The following POLH variants were observed in gnomAD, a reference collection of about 807,000 sequenced individuals.
POLH encodes DNA polymerase eta transcript.
A neutral mutation model predicts 73.6 loss-of-function variants in POLH; 53 were observed. The observed-to-expected ratio is 0.72, with a 90% CI of 0.58 to 0.91. The LOEUF (loss-of-function observed/expected upper bound fraction) is 0.91. Ranked by LOEUF, POLH falls within the 40% of genes least tolerant of loss-of-function variation. The probability of loss-of-function intolerance (pLI) is 0.00; values close to 1 mark genes in which losing one functional copy is unlikely to be tolerated. For missense variants in POLH, 768 were observed against 865.4 expected (o/e 0.89, Z 1.41); for synonymous variants, 292 against 308.5 (o/e 0.95, Z 0.56).
chr6:43,582,928 A>G, intron 2 of POLH, 79 bp from the exon 3 acceptor site: 1 of 1,220,650 alleles, frequency 8.2e-7, no homozygotes, highest in South Asian at 1.2e-5. Flanking sequence ...ATGTTTATAG[A>G]TTACTTGTGT....
Position 43,597,856 on chromosome 6 carries a change from A to T in POLH, c.651A>T (p.Ser217=). 6.2e-7 allele frequency: 1 copy of T among 1,612,536 alleles called. No individual in the cohort carries two copies. The highest frequency in any genetic ancestry group is 8.5e-7 in the Non-Finnish European group (1 of 1,178,542). Reference sequence around the variant, plus strand: ...GTTTTCAGTGTTCAGCTGGAATTTCACACAATAAGGTGAAGGCTAATAGTA... The same window carrying T: ...GTTTTCAGTGTTCAGCTGGAATTTCTCACAATAAGGTGAAGGCTAATAGTA... ...ETGFQCSAGI[S]HNKVLAKLAC... is the part of the protein sequence containing the mutation. The change falls in exon 5 of 11, where the codon TCA becomes TCT. Residue 217 remains serine, a synonymous_variant. Coordinates refer to ENST00000372236, the MANE Select transcript of POLH (RefSeq NM_006502.3).
chr6:43,600,882 G>C, intron 5 of POLH, 106 bp from the exon 6 acceptor site: 1 of 796,612 alleles, frequency 1.3e-6, no homozygotes, highest in South Asian at 1.4e-5. Context: ...GAAACCATTA[G>C]TTACAGCTAT....
At position 43,616,706 on chromosome 6, in the gene POLH, TAA is replaced by T. The variant is rs1356155932; in HGVS notation, c.*2152_*2153del. On this transcript the variant is annotated 3_prime_UTR_variant, in exon 11 of 11. Coordinates refer to ENST00000372236, the MANE Select transcript of POLH (RefSeq NM_006502.3). ...AATGTGAGATGAAGCCTTGAAACCC[TAA>T]AAGTGATATGGTAACTAGGGCAGGT... Among the ~76,000 whole-genome samples, 4 of 152,200 alleles carry T rather than the reference TAA, an allele frequency of 2.6e-5. No individual in the cohort carries two copies. Among genetic ancestry groups the T allele is most frequent in the African/African-American group, 9.6e-5 (4 of 41,470 alleles).
chr6:43,598,003 A>G (rs755012512), intron 5 of POLH, 138 bp downstream of exon 5: 5 of 751,930 alleles, frequency 6.6e-6, no homozygotes, highest in Non-Finnish European at 1.1e-5. Context: ...GCGTGAGCCC[A>G]GGAGTTGAAG....
At chr6:43,594,283 A>T (rs988145279) in intron 4 of POLH, among the ~76,000 whole-genome samples, 6 of 152,204 alleles carry the variant, frequency 3.9e-5, no homozygotes. Context: ...GCTAATATAT[A>T]CTAGTATAAA....
At chr6:43,587,517 G>A (rs753384563) in intron 4 of POLH, 28 bp downstream of exon 4, 3 of 1,504,070 alleles carry the variant, frequency 2.0e-6, no homozygotes, top group Non-Finnish European at 2.8e-6. Flanking sequence ...TACTGCTTCT[G>A]CTTCCTGCCT....
At chr6:43,580,993 A>ACCCC (rs1200040379) in intron 1 of POLH, among the ~76,000 whole-genome samples, 2 of 82,020 alleles carry the variant, frequency 2.4e-5, no homozygotes, top group African/African-American at 9.6e-5. Context: ...CGGGGGGCTG[A>ACCCC]CCCCCCCCCA....
intron 1 of POLH, among the ~76,000 whole-genome samples, chr6:43,580,503 T>C (rs1482638647): frequency 8.9e-3 from 1,227 of 137,318 alleles, no homozygotes; most frequent in East Asian, 0.019. Context: ...GAGGCGCCCC[T>C]CACCTCCCGG....
At position 43,598,201 on chromosome 6, in the gene POLH, C is replaced by CAAAAAAAAAAAAAA. The variant is rs560020212; in HGVS notation, c.660+340_660+353dup. On this transcript the variant is annotated intron_variant, in intron 5 of 10. Transcript: ENST00000372236. The stretch of plus-strand genomic sequence containing the variant: ...GCTTGGGCGACAGTGAGACTGTCAC[C>CAAAAAAAAAAAAAA]AAAAAAAAAAAAAAAAAGTTGTTAC... Among the ~76,000 whole-genome samples the CAAAAAAAAAAAAAA allele has an allele frequency of 1.3e-3, 96 of 73,260 alleles. 1 individual carries two copies. Among genetic ancestry groups the CAAAAAAAAAAAAAA allele is most frequent in the African/African-American group, 4.5e-3 (89 of 19,744 alleles). The allele number at this position is 73,260 out of a possible 152,430, so 48.1% of individuals were successfully genotyped here.
intron 3 of POLH, among the ~76,000 whole-genome samples, chr6:43,583,620 G>C (rs1202590833): frequency 6.6e-6 from 1 of 152,178 alleles, no homozygotes; most frequent in African/African-American, 2.4e-5. Flanking sequence ...ACCTTGGAAT[G>C]GGGGATATGA....
chr6:43,579,634 C>T (rs966124816), intron 1 of POLH, among the ~76,000 whole-genome samples: 1 of 152,168 alleles, frequency 6.6e-6, no homozygotes, highest in African/African-American at 2.4e-5. Context: ...ATGAGATTCC[C>T]AATTTATATC....
At chr6:43,583,372 C>A (rs1028008060) in intron 3 of POLH, among the ~76,000 whole-genome samples, 1 of 152,088 alleles carries the variant, frequency 6.6e-6, no homozygotes, top group Non-Finnish European at 1.5e-5. Context: ...CTATTCAGTT[C>A]CTTAATTGTT....
chr6:43,595,414 C>T (rs898145620), intron 4 of POLH, among the ~76,000 whole-genome samples: 20 of 151,744 alleles, frequency 1.3e-4, no homozygotes, highest in Non-Finnish European at 2.1e-4. Flanking sequence ...AGATTACAGA[C>T]GTGAACCACC....
intron 9 of POLH, 130 bp downstream of exon 9, chr6:43,605,449 T>TC (rs1767178049): frequency 1.7e-6 from 1 of 573,314 alleles, no homozygotes; most frequent in African/African-American, 2.1e-5. Context: ...CTTTCTTTTT[T>TC]TTTTTTTTTT....
rs1768193581 is a variant in POLH, at chr6:43,614,469, C to T, written c.2054C>T (p.Pro685Leu). Residue 685 changes from proline (P) to leucine (L), a missense_variant, in exon 11 of 11, where the codon CCC (proline) becomes CTC (leucine). By Grantham distance (98) the Pro-to-Leu change is moderately conservative. Coordinates refer to ENST00000372236, the MANE Select transcript of POLH (RefSeq NM_006502.3). Reference sequence around the variant, plus strand: ...GTATCTCATCAAGGCAAAAGAAATCCCAAGAGCCCTTTGGCCTGCACTAAT... The same window carrying T: ...GTATCTCATCAAGGCAAAAGAAATCTCAAGAGCCCTTTGGCCTGCACTAAT... The part of the protein sequence containing the change: ...SAVSHQGKRN[P>L]KSPLACTNKR... 1 of 1,614,000 alleles carries T rather than the reference C, an allele frequency of 6.2e-7. No homozygotes were observed. Among genetic ancestry groups the T allele is most frequent in the African/African-American group, 1.3e-5 (1 of 74,934 alleles).
chr6:43,610,252 A>G (rs1767755953), intron 9 of POLH, among the ~76,000 whole-genome samples: 1 of 151,316 alleles, frequency 6.6e-6, no homozygotes, highest in African/African-American at 2.4e-5. Flanking sequence ...TTCAGTAGAG[A>G]TGGGATTTCG....
At position 43,618,006 on chromosome 6, in the gene POLH, C is replaced by T. The variant is rs1316710165; in HGVS notation, c.*3449C>T. ...TGACCAGGTGTGTAGAGGACATTTT[C>T]TTAAGCCCTTAAGTACAAATTTAAG... On this transcript the variant is annotated 3_prime_UTR_variant, in exon 11 of 11. Coordinates refer to ENST00000372236, the MANE Select transcript of POLH (RefSeq NM_006502.3). 3.3e-5 allele frequency among the ~76,000 whole-genome samples: 5 copies of T among 152,094 alleles called. No homozygotes were observed. Among genetic ancestry groups the T allele is most frequent in the African/African-American group, 4.8e-5 (2 of 41,432 alleles).
chr6:43,589,118 G>A (rs1765167605), intron 4 of POLH, among the ~76,000 whole-genome samples: 1 of 152,226 alleles, frequency 6.6e-6, no homozygotes, highest in South Asian at 2.1e-4. Flanking sequence ...GATTACAGGT[G>A]TGAGCCACCG....
At chr6:43,606,557 T>G (rs1412172070) in intron 9 of POLH, among the ~76,000 whole-genome samples, 1 of 151,962 alleles carries the variant, frequency 6.6e-6, no homozygotes, top group Non-Finnish European at 1.5e-5. Context: ...GCCTCCCGAG[T>G]AACCGGGATT....
Sources: allele counts gnomAD v4.1 joint callset (sites outside exome capture counted in the v4.1 genomes callset), GRCh38; gene constraint gnomAD v4.1.1; transcripts MANE v1.5; gene names NCBI Gene and HGNC (gene_info 2026-07-23, HGNC 2026-07-21).